The following ZMYND8 variants were observed in gnomAD, a reference collection of about 807,000 sequenced individuals.
ZMYND8 encodes MYND-type zinc finger-containing chromatin reader ZMYND8.
In ZMYND8, 37 loss-of-function variants were observed where a neutral mutation model predicts 140.8. That is an observed-to-expected ratio of 0.26 (90% CI 0.20 to 0.35). The LOEUF is 0.35. Ranked by LOEUF, ZMYND8 falls within the 10% of genes least tolerant of loss-of-function variation. The pLI, the probability that ZMYND8 is intolerant of heterozygous loss-of-function variation, is 1.00. For missense variants in ZMYND8, 1,068 were observed against 1,570.0 expected (o/e 0.68, Z 5.40); for synonymous variants, 592 against 597.1 (o/e 0.99, Z 0.12).
rs2077806350 is a variant in ZMYND8, at chr20:47,298,686, G to A, written c.453+43C>T. On this transcript the variant is annotated intron_variant, in intron 4 of 22. Coordinates refer to ENST00000471951, the MANE Select transcript of ZMYND8 (RefSeq NM_001281775.3). The surrounding 1 kb of genome is among the most constrained non-coding windows in gnomAD (Gnocchi z 5.0). ...AAATAAAAGGAAGAAAGAGAAAGGA[G>A]AGGAAACGAGGCAGGTAATGCATTC... 1.3e-6 allele frequency: 2 copies of A among 1,575,412 alleles called. No homozygotes were observed. Among genetic ancestry groups the A allele is most frequent in the African/African-American group, 1.3e-5 (1 of 74,086 alleles).
At chr20:47,270,834 T>C (rs767726110) in intron 11 of ZMYND8, among the ~76,000 whole-genome samples, 13 of 151,544 alleles carry the variant, frequency 8.6e-5, no homozygotes, top group Non-Finnish European at 1.5e-4. Context: ...TCCCAGCACT[T>C]TGGGAGGCAG....
Position 47,298,676 on chromosome 20 carries a change from A to AGAGAAAGG in ZMYND8, c.453+45_453+52dup. The stretch of plus-strand genomic sequence containing the variant: ...GTAAATTTAAAAATAAAAGGAAGAA[A>AGAGAAAGG]GAGAAAGGAGAGGAAACGAGGCAGG... On this transcript the variant is annotated intron_variant, in intron 4 of 22. Transcript: ENST00000471951. This position sits in a 1 kb window ranked among gnomAD's most constrained non-coding sequence, Gnocchi z 5.0. 6.4e-7 allele frequency: 1 copy of AGAGAAAGG among 1,559,294 alleles called. No homozygotes were observed. The highest frequency in any genetic ancestry group is 1.4e-5 in the African/African-American group (1 of 73,314).
chr20:47,282,732 A>G (rs1366075085), intron 9 of ZMYND8, among the ~76,000 whole-genome samples: 1 of 151,918 alleles, frequency 6.6e-6, no homozygotes, highest in Non-Finnish European at 1.5e-5. Flanking sequence ...TCAAAAAAAA[A>G]AAAACAAAAA....
chr20:47,344,288 G>C (rs2082158975), intron 2 of ZMYND8, among the ~76,000 whole-genome samples: 1 of 152,034 alleles, frequency 6.6e-6, no homozygotes, highest in African/African-American at 2.4e-5. Flanking sequence ...AACAGTGATA[G>C]ATCTTATTAA....
At chr20:47,295,754 G>A (rs1364117813) in intron 4 of ZMYND8, among the ~76,000 whole-genome samples, 1 of 152,190 alleles carries the variant, frequency 6.6e-6, no homozygotes, top group African/African-American at 2.4e-5. Flanking sequence ...CATCAAAGAA[G>A]AGACCCAAAG....
intron 11 of ZMYND8, among the ~76,000 whole-genome samples, chr20:47,264,545 G>A (rs2075371300): frequency 6.6e-6 from 1 of 152,162 alleles, no homozygotes; most frequent in Non-Finnish European, 1.5e-5. Flanking sequence ...CCGAAGTGCT[G>A]GGATTACAGC....
intron 6 of ZMYND8, among the ~76,000 whole-genome samples, chr20:47,291,557 T>C (rs1391625559): frequency 1.3e-5 from 2 of 152,176 alleles, no homozygotes; most frequent in Non-Finnish European, 2.9e-5. Flanking sequence ...AAAGCTAGAA[T>C]CATCGCAAAA....
intron 21 of ZMYND8, among the ~76,000 whole-genome samples, chr20:47,219,490 C>T (rs1325700294): frequency 1.3e-5 from 2 of 150,406 alleles, no homozygotes; most frequent in Non-Finnish European, 3.0e-5. Flanking sequence ...CACACTACTG[C>T]ACTCCAGCCT....
intron 3 of ZMYND8, among the ~76,000 whole-genome samples, chr20:47,300,288 C>T (rs2077927333): frequency 6.6e-6 from 1 of 152,216 alleles, no homozygotes; most frequent in Admixed American, 6.5e-5. Context: ...CTTTGAGCCT[C>T]AATTCCCTGG....
At chr20:47,223,985 A>G (rs1210172755) in intron 19 of ZMYND8, among the ~76,000 whole-genome samples, 2 of 152,196 alleles carry the variant, frequency 1.3e-5, no homozygotes, top group Non-Finnish European at 2.9e-5. Flanking sequence ...TACTTAACAA[A>G]GAAATTGGGA....
At chr20:47,321,849 C>T (rs1430711607) in intron 2 of ZMYND8, among the ~76,000 whole-genome samples, 1 of 149,164 alleles carries the variant, frequency 6.7e-6, no homozygotes, top group Non-Finnish European at 1.5e-5. Context: ...ATTTAAAACT[C>T]GCCGCCCTTT....
intron 10 of ZMYND8, 101 bp downstream of exon 10, chr20:47,281,998 CAAT>C: frequency 1.0e-6 from 1 of 962,092 alleles, no homozygotes; most frequent in Middle Eastern, 2.2e-4. Flanking sequence ...GGTATCATGA[CAAT>C]AATGAGAATA....
rs1286603678 is a variant in ZMYND8, at chr20:47,209,572, CTCT to C, written c.*1186_*1188del. ...AGCTGGAAACTGTACAGTTCGCATC[CTCT>C]TAACAATGAAGAGAAAGTAAACAAG... On this transcript the variant is annotated 3_prime_UTR_variant, in exon 23 of 23. Transcript: ENST00000471951. The C allele has an allele frequency of 6.6e-6, 1 of 152,200 alleles. No homozygotes were observed. Among genetic ancestry groups the C allele is most frequent in the East Asian group, 1.9e-4 (1 of 5,194 alleles). 9.4% of individuals were successfully genotyped at this position (152,200 alleles called of 1,614,324 possible).
chr20:47,325,897 G>T (rs1287851325), intron 2 of ZMYND8, among the ~76,000 whole-genome samples: 1 of 151,668 alleles, frequency 6.6e-6, no homozygotes, highest in Non-Finnish European at 1.5e-5. Flanking sequence ...TCAGCCTCCT[G>T]AGTAACTGGG....
At chr20:47,264,317 C>A (rs2075354768) in intron 11 of ZMYND8, among the ~76,000 whole-genome samples, 1 of 152,172 alleles carries the variant, frequency 6.6e-6, no homozygotes, top group Admixed American at 6.5e-5. Flanking sequence ...CGCTCTGTCA[C>A]CCAGGCTGGA....
chr20:47,329,751 T>G lies in ZMYND8; in HGVS notation c.85+18105A>C, dbSNP rs1601978674. Among the ~76,000 whole-genome samples, 3 of 152,298 alleles carry G rather than the reference T, an allele frequency of 2.0e-5. No individual in the cohort carries two copies. The East Asian group carries it at 5.8e-4, about 29-fold the overall frequency. Reference sequence around the variant, plus strand: ...CACGTACAGCTAGTGGCGACTGTGTTGGACAGCACAGCTGCAGAAGCTTAA... The same window carrying G: ...CACGTACAGCTAGTGGCGACTGTGTGGGACAGCACAGCTGCAGAAGCTTAA... On this transcript the variant is annotated intron_variant, in intron 2 of 22. Transcript: ENST00000471951.
chr20:47,221,246 A>G (rs1199074352), intron 20 of ZMYND8, 68 bp downstream of exon 20: 5 of 1,579,610 alleles, frequency 3.2e-6, no homozygotes, highest in South Asian at 2.3e-5. Flanking sequence ...GGCGGCAGAC[A>G]GGGGGTCCTA....
At chr20:47,275,509 A>AG (rs2147783945) in intron 11 of ZMYND8, among the ~76,000 whole-genome samples, 1 of 150,700 alleles carries the variant, frequency 6.6e-6, no homozygotes, top group African/African-American at 2.4e-5. Flanking sequence ...AAAAAAAAAA[A>AG]CACAACACAA....
At chr20:47,270,200 T>A (rs1420699465) in intron 11 of ZMYND8, among the ~76,000 whole-genome samples, 1 of 150,088 alleles carries the variant, frequency 6.7e-6, no homozygotes, top group Non-Finnish European at 1.5e-5. Context: ...ATCACACCAC[T>A]GAACTCCAGC....
Sources: gnomAD v4.1 joint callset for allele counts (sites outside exome capture counted in the v4.1 genomes callset) on GRCh38, gnomAD v4.1.1 for gene constraint, Gnocchi (gnomAD v3.1) non-coding constraint, MANE v1.5 for transcripts, NCBI Gene and HGNC (gene_info 2026-07-23, HGNC 2026-07-21) for gene names.